Variants in ZFHX3 observed in about 807,000 individuals in gnomAD.
ZFHX3 encodes zinc finger homeobox 3, also known as zinc finger homeobox protein 3.
In ZFHX3, 42 loss-of-function variants were observed where a neutral mutation model predicts 279.1. The ratio of observed to expected loss-of-function variants is 0.15; its 90% CI spans 0.12 to 0.19. The LOEUF (loss-of-function observed/expected upper bound fraction) is 0.19. ZFHX3 is among the 10% of genes least tolerant of loss of function. The probability of loss-of-function intolerance (pLI) is 1.00; values close to 1 mark genes in which losing one functional copy is unlikely to be tolerated. For synonymous variants in ZFHX3, 2,293 were observed against 1,957.8 expected (o/e 1.17, Z -4.52); for missense variants, 4,981 against 4,754.0 (o/e 1.05, Z -1.40).
At chr16:72,943,021 C>T (rs568304052) in intron 3 of ZFHX3, among the ~76,000 whole-genome samples, 3 of 152,206 alleles carry the variant, frequency 2.0e-5, no homozygotes, top group East Asian at 1.9e-4. Context: ...GACAGTATTC[C>T]GTAAATATGT....
At chr16:73,385,051 T>G (rs748574814) in intron 3 of ZFHX3, among the ~76,000 whole-genome samples, 12 of 152,122 alleles carry the variant, frequency 7.9e-5, no homozygotes, top group Non-Finnish European at 1.5e-4. Context: ...GCTGTACGCA[T>G]TTCATGACGC....
chr16:73,353,918 C>G (rs1390186304), intron 3 of ZFHX3, among the ~76,000 whole-genome samples: 1 of 152,132 alleles, frequency 6.6e-6, no homozygotes, highest in Non-Finnish European at 1.5e-5. Flanking sequence ...ATACGCCATG[C>G]GCTGCATTGT....
At chr16:72,887,674 T>C (rs2038662787) in intron 4 of ZFHX3, among the ~76,000 whole-genome samples, 1 of 120,148 alleles carries the variant, frequency 8.3e-6, no homozygotes, top group African/African-American at 3.3e-5. Flanking sequence ...GTGTTTATGA[T>C]GCTTGCATGT....
At chr16:73,431,620 T>C (rs181368264) in intron 3 of ZFHX3, among the ~76,000 whole-genome samples, 2 of 152,330 alleles carry the variant, frequency 1.3e-5, no homozygotes, top group African/African-American at 4.8e-5. Context: ...AATTACTGAT[T>C]GTTAGACATG....
chr16:73,065,459 T>A (rs866942838), intron 8 of ZFHX3, among the ~76,000 whole-genome samples: 15 of 145,036 alleles, frequency 1.0e-4, no homozygotes, highest in African/African-American at 2.8e-4. Flanking sequence ...AACGTGAGGG[T>A]TTTTTTTTTT....
intron 4 of ZFHX3, among the ~76,000 whole-genome samples, chr16:73,289,888 G>A (rs2014724112): frequency 6.6e-6 from 1 of 152,132 alleles, no homozygotes; most frequent in African/African-American, 2.4e-5. Flanking sequence ...GGCCCCCTGT[G>A]TCAAGTCACC....
intron 4 of ZFHX3, among the ~76,000 whole-genome samples, chr16:73,308,092 G>A (rs986225852): frequency 5.9e-5 from 9 of 151,706 alleles, no homozygotes; most frequent in Admixed American, 4.6e-4. Flanking sequence ...GAGAGTTACC[G>A]ATCATTTGAT....
chr16:73,449,139 T>C (rs2018241646), intron 3 of ZFHX3, among the ~76,000 whole-genome samples: 1 of 152,246 alleles, frequency 6.6e-6, no homozygotes, highest in Non-Finnish European at 1.5e-5. Context: ...CAGTATCCAG[T>C]ACTGTGAGAC....
At chr16:73,413,466 C>A (rs1361794267) in intron 3 of ZFHX3, among the ~76,000 whole-genome samples, 1 of 152,162 alleles carries the variant, frequency 6.6e-6, no homozygotes, top group Non-Finnish European at 1.5e-5. Context: ...ACATAGCAGG[C>A]CTGCGTGTGG....
At chr16:73,706,122 T>G (rs1004639021) in intron 1 of ZFHX3, among the ~76,000 whole-genome samples, 1 of 151,990 alleles carries the variant, frequency 6.6e-6, no homozygotes, top group Non-Finnish European at 1.5e-5. Context: ...CTGGACAACA[T>G]AGTAAGACCT....
intron 4 of ZFHX3, among the ~76,000 whole-genome samples, chr16:73,293,702 G>A (rs2014831158): frequency 2.0e-5 from 3 of 152,184 alleles, no homozygotes; most frequent in African/African-American, 7.2e-5. Flanking sequence ...ATAGAAGAAC[G>A]TGTCCATCAG....
chr16:73,685,614 C>A (rs373918949), intron 1 of ZFHX3, among the ~76,000 whole-genome samples: 3 of 152,168 alleles, frequency 2.0e-5, no homozygotes, highest in African/African-American at 4.8e-5. Context: ...ACCAAGTTTG[C>A]GGTAGCATGC....
chr16:73,385,958 A>G (rs1014570290), intron 3 of ZFHX3, among the ~76,000 whole-genome samples: 1 of 151,016 alleles, frequency 6.6e-6, no homozygotes, highest in Non-Finnish European at 1.5e-5. Context: ...CCCCAGTGGA[A>G]TGTTTCACTT....
intron 1 of ZFHX3, among the ~76,000 whole-genome samples, chr16:72,974,538 G>T (rs1043533353): frequency 6.6e-6 from 1 of 150,466 alleles, no homozygotes; most frequent in Non-Finnish European, 1.5e-5. Flanking sequence ...AACAAACAAG[G>T]ATTGCCCTTT....
chr16:73,170,508 G>C (rs1967496973), intron 5 of ZFHX3, among the ~76,000 whole-genome samples: 1 of 152,060 alleles, frequency 6.6e-6, no homozygotes, highest in Non-Finnish European at 1.5e-5. Context: ...GGGATTACAG[G>C]AGTGAGCCAC....
intron 3 of ZFHX3, among the ~76,000 whole-genome samples, chr16:72,897,098 C>T (rs184201741): frequency 4.6e-5 from 7 of 152,326 alleles, no homozygotes; most frequent in East Asian, 1.9e-4. Flanking sequence ...CAGAAAACCC[C>T]TGAGACACCT....
intron 7 of ZFHX3, among the ~76,000 whole-genome samples, chr16:73,104,847 A>G (rs1170434837): frequency 6.6e-6 from 1 of 152,036 alleles, no homozygotes; most frequent in Non-Finnish European, 1.5e-5. Context: ...ATGTGCTCCT[A>G]TAGCATTTTA....
intron 2 of ZFHX3, among the ~76,000 whole-genome samples, chr16:73,568,973 A>C (rs2020491319): frequency 6.6e-6 from 1 of 151,964 alleles, no homozygotes; most frequent in Non-Finnish European, 1.5e-5. Context: ...TTCACAGCTA[A>C]ACTTCTCCAG....
At chr16:73,847,523 G>A (rs1165165910) in intron 1 of ZFHX3, among the ~76,000 whole-genome samples, 3 of 152,030 alleles carry the variant, frequency 2.0e-5, no homozygotes, top group Non-Finnish European at 4.4e-5. Flanking sequence ...AGTATAATTG[G>A]CGTCAATTAT....
Sources: gnomAD v4.1 joint callset for allele counts (sites outside exome capture counted in the v4.1 genomes callset) on GRCh38, gnomAD v4.1.1 for gene constraint, MANE v1.5 for transcripts, NCBI Gene and HGNC (gene_info 2026-07-23, HGNC 2026-07-21) for gene names.